Variants in AGBL4 observed in about 807,000 individuals in gnomAD.
The protein encoded by AGBL4 is cytosolic carboxypeptidase 6.
In AGBL4, 58 loss-of-function variants were observed where a neutral mutation model predicts 66.4. The observed-to-expected ratio is 0.87, with a 90% CI of 0.71 to 1.09. The LOEUF is 1.09. Among genes scored for constraint, AGBL4 ranks in the 50% least tolerant of loss-of-function variants. The pLI is 0.00. For synonymous variants in AGBL4, 234 were observed against 222.9 expected (o/e 1.05, Z -0.44); for missense variants, 579 against 631.0 (o/e 0.92, Z 0.88).
At chr1:49,842,862 A>G (rs1489839746) in intron 2 of AGBL4, among the ~76,000 whole-genome samples, 1 of 152,210 alleles carries the variant, frequency 6.6e-6, no homozygotes, top group African/African-American at 2.4e-5. Flanking sequence ...GCAGGTGCAA[A>G]GGCCTGAAGT....
rs2148583652 is a variant in AGBL4, at chr1:48,738,419, G to A, written c.635-75178C>T. 1.3e-5 allele frequency among the ~76,000 whole-genome samples: 2 copies of A among 152,338 alleles called. 1 individual carries two copies. Among genetic ancestry groups the A allele is most frequent in the Middle Eastern group, 6.8e-3 (2 of 294 alleles). ...GAGTGAGATGTACTACCTGGCTGCT[G>A]GCTAGGCAACACGGACACCAAGGTC... is the stretch of plus-strand genomic sequence containing the variant. On this transcript the variant is annotated intron_variant, in intron 6 of 13. Transcript: ENST00000371839.
intron 3 of AGBL4, among the ~76,000 whole-genome samples, chr1:49,378,526 G>A (rs141494823): frequency 6.6e-6 from 1 of 152,152 alleles, no homozygotes; most frequent in Non-Finnish European, 1.5e-5. Flanking sequence ...AGAGGGAGCA[G>A]TGGGTTTCCA....
intron 4 of AGBL4, among the ~76,000 whole-genome samples, chr1:49,225,391 C>A (rs1274190081): frequency 1.3e-5 from 2 of 152,130 alleles, no homozygotes; most frequent in Non-Finnish European, 2.9e-5. Flanking sequence ...ATGGAAAGGG[C>A]CACAACTGCA....
intron 2 of AGBL4, chr1:49,844,631 A>G (rs1338858936): frequency 2.0e-5 from 30 of 1,505,220 alleles, no homozygotes; most frequent in Middle Eastern, 1.8e-4. Flanking sequence ...CCATCTCACC[A>G]CAAACTCTTT....
chr1:48,957,736 C>G (rs1248256280), intron 5 of AGBL4, among the ~76,000 whole-genome samples: 1 of 152,184 alleles, frequency 6.6e-6, no homozygotes, highest in Admixed American at 6.5e-5. Flanking sequence ...CTGGCTGATA[C>G]AGCATCTCAC....
At chr1:49,852,600 G>A (rs528356725) in intron 1 of AGBL4, among the ~76,000 whole-genome samples, 3 of 152,238 alleles carry the variant, frequency 2.0e-5, no homozygotes, top group African/African-American at 7.2e-5. Flanking sequence ...TACACGACTA[G>A]GGGAGAAATA....
At chr1:48,550,113 A>G (rs1055045505) in intron 11 of AGBL4, among the ~76,000 whole-genome samples, 5 of 152,008 alleles carry the variant, frequency 3.3e-5, no homozygotes, top group African/African-American at 7.3e-5. Context: ...TTGTGAGAAG[A>G]GTGTCCAATC....
intron 1 of AGBL4, among the ~76,000 whole-genome samples, chr1:49,961,914 C>T (rs1267602512): frequency 1.3e-5 from 2 of 152,088 alleles, no homozygotes. Context: ...AAAATCAACA[C>T]TAACCAGAAA....
chr1:49,504,538 A>G (rs1648499724), intron 3 of AGBL4, among the ~76,000 whole-genome samples: 1 of 152,088 alleles, frequency 6.6e-6, no homozygotes, highest in African/African-American at 2.4e-5. Context: ...GGGTGCATAT[A>G]TATTTACAAT....
In AGBL4 at chr1:48,911,816, T is replaced by C. The variant is rs565550238; in HGVS notation, c.595-44586A>G. ...CCAGTGCTACCTTCTTTGAAATATT[T>C]TCACCAATTTTGCCAGTTAAAAGTA... On this transcript the variant is annotated intron_variant, in intron 5 of 13. Transcript: ENST00000371839. Among the ~76,000 whole-genome samples, 21 of 152,312 alleles carry C rather than the reference T, an allele frequency of 1.4e-4. No homozygotes were observed. The South Asian group carries it at 4.1e-3, about 30-fold the overall frequency.
intron 3 of AGBL4, among the ~76,000 whole-genome samples, chr1:49,629,332 C>A (rs1218744612): frequency 1.3e-5 from 2 of 152,198 alleles, no homozygotes; most frequent in Non-Finnish European, 2.9e-5. Flanking sequence ...ACCATTCCCC[C>A]AACATGGCAG....
At chr1:49,984,441 G>T (rs1409151082) in intron 1 of AGBL4, among the ~76,000 whole-genome samples, 2 of 152,202 alleles carry the variant, frequency 1.3e-5, no homozygotes, top group Non-Finnish European at 2.9e-5. Flanking sequence ...GGTGAACATA[G>T]GTCTTATGTA....
chr1:48,993,445 T>C (rs1660763677), intron 5 of AGBL4, among the ~76,000 whole-genome samples: 2 of 152,136 alleles, frequency 1.3e-5, no homozygotes, highest in Admixed American at 6.5e-5. Context: ...TGAAGGGGTC[T>C]GTGTTGGAGC....
At chr1:49,987,172 A>G (rs1424244700) in intron 1 of AGBL4, among the ~76,000 whole-genome samples, 1 of 152,116 alleles carries the variant, frequency 6.6e-6, no homozygotes, top group African/African-American at 2.4e-5. Flanking sequence ...GGCATTGTTT[A>G]TACTTAATGC....
At chr1:48,918,590 C>T (rs1381193137) in intron 5 of AGBL4, among the ~76,000 whole-genome samples, 1 of 152,120 alleles carries the variant, frequency 6.6e-6, no homozygotes, top group Non-Finnish European at 1.5e-5. Flanking sequence ...TATAAAGGGA[C>T]CCCAGAGAGC....
intron 6 of AGBL4, among the ~76,000 whole-genome samples, chr1:48,866,296 C>A (rs1267640698): frequency 6.6e-6 from 1 of 152,100 alleles, no homozygotes; most frequent in African/African-American, 2.4e-5. Context: ...TGAAACATAT[C>A]CAAATGTATT....
chr1:49,943,803 C>T (rs1654981073), intron 1 of AGBL4, among the ~76,000 whole-genome samples: 1 of 151,740 alleles, frequency 6.6e-6, no homozygotes, highest in Admixed American at 6.6e-5. Context: ...CAGGGGAGGG[C>T]ATGAATCTGG....
At chr1:49,347,488 T>C (rs1425643160) in intron 3 of AGBL4, among the ~76,000 whole-genome samples, 1 of 151,636 alleles carries the variant, frequency 6.6e-6, no homozygotes, top group Admixed American at 6.6e-5. Flanking sequence ...CCTGACCTCA[T>C]GATCCGCCCG....
chr1:49,462,656 G>A (rs1483747819), intron 3 of AGBL4, among the ~76,000 whole-genome samples: 1 of 151,702 alleles, frequency 6.6e-6, no homozygotes, highest in South Asian at 2.1e-4. Flanking sequence ...CAATTTTTCT[G>A]ATGTTACAGG....
Sources: gnomAD v4.1 joint callset for allele counts (sites outside exome capture counted in the v4.1 genomes callset) on GRCh38, gnomAD v4.1.1 for gene constraint, MANE v1.5 for transcripts, NCBI Gene and HGNC (gene_info 2026-07-23, HGNC 2026-07-21) for gene names.